Variants in NEGR1 observed in about 807,000 individuals in gnomAD.
The protein encoded by NEGR1 is neuronal growth regulator 1.
A neutral mutation model predicts 40.9 loss-of-function variants in NEGR1; 10 were observed. That is an observed-to-expected ratio of 0.24 (90% CI 0.15 to 0.42). The LOEUF (loss-of-function observed/expected upper bound fraction) is 0.42, where lower values mean the gene tolerates loss of function less well. Among genes scored for constraint, NEGR1 ranks in the 10% least tolerant of loss-of-function variants. The pLI is 1.00. For synonymous variants in NEGR1, 185 were observed against 166.8 expected (o/e 1.11, Z -0.84); for missense variants, 352 against 438.9 (o/e 0.80, Z 1.77).
intron 4 of NEGR1, among the ~76,000 whole-genome samples, chr1:71,641,683 C>T (rs1237765393): frequency 2.0e-5 from 3 of 151,966 alleles, no homozygotes; most frequent in African/African-American, 7.2e-5. Flanking sequence ...GTGGGAATGA[C>T]ATCAGTAAGC....
At chr1:71,731,624 C>T (rs921675646) in intron 3 of NEGR1, among the ~76,000 whole-genome samples, 5 of 152,000 alleles carry the variant, frequency 3.3e-5, no homozygotes, top group Admixed American at 2.0e-4. Context: ...CTTTAAAAAG[C>T]ACACATCTTT....
At chr1:71,987,726 A>T (rs565345756) in intron 1 of NEGR1, among the ~76,000 whole-genome samples, 1 of 152,296 alleles carries the variant, frequency 6.6e-6, no homozygotes, top group South Asian at 2.1e-4. Context: ...AATTACATTC[A>T]TTTCTGGCCA....
chr1:71,781,372 C>T (rs1007620626), intron 2 of NEGR1, among the ~76,000 whole-genome samples: 2 of 152,268 alleles, frequency 1.3e-5, no homozygotes, highest in East Asian at 1.9e-4. Flanking sequence ...ATATTAAAAA[C>T]CCTTACAGGA....
At chr1:71,637,697 G>A (rs906607660) in intron 4 of NEGR1, among the ~76,000 whole-genome samples, 3 of 151,818 alleles carry the variant, frequency 2.0e-5, no homozygotes, top group Non-Finnish European at 4.4e-5. Flanking sequence ...AAAACCATGA[G>A]GAGGAGAATA....
At chr1:72,250,497 T>G in intron 1 of NEGR1, among the ~76,000 whole-genome samples, 1 of 152,220 alleles carries the variant, frequency 6.6e-6, no homozygotes, top group African/African-American at 2.4e-5. Context: ...ATGAAATAGT[T>G]ATTGCCTTCA....
intron 1 of NEGR1, among the ~76,000 whole-genome samples, chr1:72,201,674 G>C (rs1249420054): frequency 6.8e-6 from 1 of 146,550 alleles, no homozygotes; most frequent in African/African-American, 2.7e-5. Flanking sequence ...AAATGTGGTG[G>C]GGGGGGTGGA....
At chr1:71,622,114 A>C (rs1351723583) in intron 4 of NEGR1, among the ~76,000 whole-genome samples, 1 of 151,878 alleles carries the variant, frequency 6.6e-6, no homozygotes, top group Non-Finnish European at 1.5e-5. Context: ...CCACTGTAAA[A>C]TATGTGTGAA....
In NEGR1 at chr1:72,067,427, T is replaced by C. The variant is rs138241067; in HGVS notation, c.177-132116A>G. ...AGCAGCAAACAGAAGATAAAATGCA[T>C]ATTCTAACAGTATACCCATTTTTAA... On this transcript the variant is annotated intron_variant, in intron 1 of 6. Transcript: ENST00000357731. 2.9e-3 allele frequency among the ~76,000 whole-genome samples: 435 copies of C among 152,274 alleles called. 3 individuals are homozygous for C. The highest frequency in any genetic ancestry group is 4.3e-3 in the Admixed American group (65 of 15,264).
intron 1 of NEGR1, among the ~76,000 whole-genome samples, chr1:72,012,234 A>G (rs974547297): frequency 6.6e-6 from 1 of 152,114 alleles, no homozygotes; most frequent in Non-Finnish European, 1.5e-5. Context: ...CTGCTTTTAT[A>G]ATGACTATAT....
chr1:71,947,267 T>C (rs1028570495), intron 1 of NEGR1, among the ~76,000 whole-genome samples: 1 of 151,618 alleles, frequency 6.6e-6, no homozygotes, highest in Admixed American at 6.6e-5. Flanking sequence ...AAAACTTTCT[T>C]ACTCAAATGG....
chr1:71,953,907 TA>T (rs991397461), intron 1 of NEGR1, among the ~76,000 whole-genome samples: 2 of 151,674 alleles, frequency 1.3e-5, no homozygotes, highest in Non-Finnish European at 2.9e-5. Flanking sequence ...ATTGGTAAAT[TA>T]AAAAAAATAA....
chr1:72,050,599 T>C (rs1402547731), intron 1 of NEGR1, among the ~76,000 whole-genome samples: 1 of 151,578 alleles, frequency 6.6e-6, no homozygotes, highest in African/African-American at 2.4e-5. Context: ...ATTTTACTTG[T>C]GTGATGACAG....
At chr1:71,843,419 C>T (rs1284063276) in intron 2 of NEGR1, among the ~76,000 whole-genome samples, 1 of 152,150 alleles carries the variant, frequency 6.6e-6, no homozygotes, top group Non-Finnish European at 1.5e-5. Context: ...GAAGTCGAGG[C>T]TATTGACTCC....
chr1:72,044,290 G>A (rs1646981577), intron 1 of NEGR1, among the ~76,000 whole-genome samples: 1 of 137,712 alleles, frequency 7.3e-6, no homozygotes, highest in South Asian at 2.2e-4. Context: ...TAAGTTCAAT[G>A]ATAAATGCAA....
At chr1:72,174,954 TTTTTATTTTA>T (rs565220769) in intron 1 of NEGR1, among the ~76,000 whole-genome samples, 3 of 151,898 alleles carry the variant, frequency 2.0e-5, no homozygotes, top group Non-Finnish European at 1.5e-5. Context: ...TGATATTTTC[TTTTTATTTTA>T]TTTTATTTTA....
chr1:71,962,390 A>G (rs1362552965), intron 1 of NEGR1, among the ~76,000 whole-genome samples: 1 of 152,056 alleles, frequency 6.6e-6, no homozygotes, highest in African/African-American at 2.4e-5. Flanking sequence ...AAAATAATTT[A>G]TTCTCTTATT....
At chr1:71,786,034 G>A (rs1208335026) in intron 2 of NEGR1, among the ~76,000 whole-genome samples, 1 of 151,802 alleles carries the variant, frequency 6.6e-6, no homozygotes, top group Non-Finnish European at 1.5e-5. Flanking sequence ...AAGTACTCTG[G>A]TTTCTTTGTT....
chr1:72,011,838 G>A (rs1033874202), intron 1 of NEGR1, among the ~76,000 whole-genome samples: 1 of 152,072 alleles, frequency 6.6e-6, no homozygotes, highest in East Asian at 1.9e-4. Flanking sequence ...AAAGGCAAAC[G>A]AATAAAATAG....
chr1:71,916,563 G>A (rs1214619441), intron 2 of NEGR1, among the ~76,000 whole-genome samples: 1 of 152,118 alleles, frequency 6.6e-6, no homozygotes, highest in Non-Finnish European at 1.5e-5. Flanking sequence ...GACCAGCCTG[G>A]CCAACATGGT....
Sources: gnomAD v4.1 joint callset for allele counts (sites outside exome capture counted in the v4.1 genomes callset) on GRCh38, gnomAD v4.1.1 for gene constraint, MANE v1.5 for transcripts, NCBI Gene and HGNC (gene_info 2026-07-23, HGNC 2026-07-21) for gene names.